The following GALNT13 variants were observed in gnomAD, a reference collection of about 807,000 sequenced individuals.
The protein encoded by GALNT13 is UDP-GalNAc:polypeptide N-acetylgalactosaminyltransferase 13.
In GALNT13, 28 loss-of-function variants were observed where a neutral mutation model predicts 64.2. That is an observed-to-expected ratio of 0.44 (90% CI 0.32 to 0.60). GALNT13 has a LOEUF of 0.60. Ranked by LOEUF, GALNT13 falls within the 20% of genes least tolerant of loss-of-function variation. The pLI, the probability that GALNT13 is intolerant of heterozygous loss-of-function variation, is 0.05. For missense variants in GALNT13, 577 were observed against 669.8 expected, an observed-to-expected ratio of 0.86 and a Z score of 1.53; for synonymous variants, 214 against 224.6, an observed-to-expected ratio of 0.95 and a Z score of 0.42.
At chr2:153,781,539 T>C in the GALNT13 span, among the ~76,000 whole-genome samples, 1 of 152,144 alleles carries the variant, frequency 6.6e-6, no homozygotes, top group Non-Finnish European at 1.5e-5. Context: ...AGCTACTCCC[T>C]GAAGTGTGAA....
the GALNT13 span, among the ~76,000 whole-genome samples, chr2:153,719,095 T>C: frequency 1.3e-5 from 2 of 152,102 alleles, no homozygotes; most frequent in Non-Finnish European, 2.9e-5. Context: ...ACCTCAAGCC[T>C]TGATTTTCTG....
At chr2:153,923,185 C>A (rs1010581068) in intron 2 of GALNT13, among the ~76,000 whole-genome samples, 1 of 152,142 alleles carries the variant, frequency 6.6e-6, no homozygotes, top group African/African-American at 2.4e-5. Flanking sequence ...CAGGCATGAG[C>A]CACTGTGCCT....
the GALNT13 span, among the ~76,000 whole-genome samples, chr2:153,414,624 A>G: frequency 6.6e-6 from 1 of 152,052 alleles, no homozygotes; most frequent in Non-Finnish European, 1.5e-5. Flanking sequence ...CCTGATCTGT[A>G]TACAAAGGAA....
intron 9 of GALNT13, among the ~76,000 whole-genome samples, chr2:154,304,830 CA>C (rs1246051201): frequency 1.3e-5 from 2 of 152,146 alleles, no homozygotes. Context: ...GGAGGCAGAA[CA>C]AGGACTTTTG....
At chr2:153,249,704 G>T in the GALNT13 span, among the ~76,000 whole-genome samples, 2 of 152,030 alleles carry the variant, frequency 1.3e-5, no homozygotes, top group Non-Finnish European at 2.9e-5. Context: ...ACAGAACAGA[G>T]ACCTCAGAAA....
intron 8 of GALNT13, among the ~76,000 whole-genome samples, chr2:154,280,806 T>G (rs1483346895): frequency 6.6e-6 from 1 of 152,170 alleles, no homozygotes; most frequent in Non-Finnish European, 1.5e-5. Flanking sequence ...GTTACTGATA[T>G]CTGAAAGGCA....
chr2:154,184,295 G>A (rs1007717115), intron 4 of GALNT13, among the ~76,000 whole-genome samples: 1 of 151,952 alleles, frequency 6.6e-6, no homozygotes, highest in Admixed American at 6.6e-5. Context: ...ACCTTTGTGT[G>A]TACTTAAGAA....
intron 8 of GALNT13, among the ~76,000 whole-genome samples, chr2:154,297,212 A>T (rs1027775758): frequency 1.3e-5 from 2 of 152,204 alleles, no homozygotes; most frequent in South Asian, 4.1e-4. Flanking sequence ...TTAAAAGACC[A>T]CTTTGATTTC....
At chr2:153,406,998 T>G in the GALNT13 span, among the ~76,000 whole-genome samples, 1 of 151,312 alleles carries the variant, frequency 6.6e-6, no homozygotes, top group African/African-American at 2.5e-5. Context: ...TGTTCTAATA[T>G]TCTAAATTAT....
At chr2:153,115,618 G>A in the GALNT13 span, among the ~76,000 whole-genome samples, 1 of 152,242 alleles carries the variant, frequency 6.6e-6, no homozygotes, top group Admixed American at 6.5e-5. Context: ...AGAGCTCTGA[G>A]GGTAAGGATT....
chr2:153,373,971 T>G, the GALNT13 span, among the ~76,000 whole-genome samples: 1 of 152,218 alleles, frequency 6.6e-6, no homozygotes, highest in African/African-American at 2.4e-5. Flanking sequence ...GAATAATATT[T>G]TATTGTATGT....
chr2:153,895,996 A>G, intron 1 of GALNT13, among the ~76,000 whole-genome samples: 2 of 149,476 alleles, frequency 1.3e-5, no homozygotes, highest in South Asian at 4.3e-4. Context: ...TATAATCATA[A>G]AATAGTTTGT....
At chr2:154,143,241 G>A (rs1683368136) in intron 4 of GALNT13, among the ~76,000 whole-genome samples, 3 of 152,108 alleles carry the variant, frequency 2.0e-5, no homozygotes, top group Admixed American at 1.3e-4. Context: ...TAATGCAGTG[G>A]CTGATCTGAC....
chr2:153,789,343 C>A, the GALNT13 span, among the ~76,000 whole-genome samples: 1 of 151,876 alleles, frequency 6.6e-6, no homozygotes, highest in South Asian at 2.1e-4. Flanking sequence ...ATCCAGATGA[C>A]TTTTTTTGGG....
At position 154,237,588 on chromosome 2, in the gene GALNT13, ATATAG is replaced by A. The variant is rs1689263433; in HGVS notation, c.312-4437_312-4433del. ...TATTATTTATAATATATAGTATAAC[ATATAG>A]TATAAAGGTTTTTTTACACAAAACT... On this transcript the variant is annotated intron_variant, in intron 4 of 12. Transcript: ENST00000392825. Among the ~76,000 whole-genome samples the A allele has an allele frequency of 2.0e-5, 3 of 148,658 alleles. No individual in the cohort carries two copies. In the South Asian group the frequency reaches 6.3e-4, roughly 31 times the overall value.
chr2:153,394,735 T>G, the GALNT13 span, among the ~76,000 whole-genome samples: 1 of 152,176 alleles, frequency 6.6e-6, no homozygotes, highest in Non-Finnish European at 1.5e-5. Context: ...AAGAATTCTT[T>G]TTTTTCCCAA....
the GALNT13 span, among the ~76,000 whole-genome samples, chr2:153,177,549 G>C: frequency 1.3e-5 from 2 of 151,948 alleles, no homozygotes; most frequent in Non-Finnish European, 2.9e-5. Context: ...ACTGTATGCT[G>C]TTTGCAAATA....
At chr2:153,144,945 TATC>T in the GALNT13 span, among the ~76,000 whole-genome samples, 27 of 152,082 alleles carry the variant, frequency 1.8e-4, no homozygotes, top group African/African-American at 6.5e-4. Context: ...AAAGTATGCT[TATC>T]ATAATGTCTG....
At chr2:153,204,792 A>T in the GALNT13 span, among the ~76,000 whole-genome samples, 1 of 152,276 alleles carries the variant, frequency 6.6e-6, no homozygotes, top group East Asian at 1.9e-4. Flanking sequence ...GAGATGAGTC[A>T]ACTATCTATA....
Sources: gnomAD v4.1 joint callset for allele counts (sites outside exome capture counted in the v4.1 genomes callset) on GRCh38, gnomAD v4.1.1 for gene constraint, MANE v1.5 for transcripts, NCBI Gene and HGNC (gene_info 2026-07-23, HGNC 2026-07-21) for gene names.